CADPS: variants seen among roughly 807,000 people sequenced by gnomAD.
The protein encoded by CADPS is calcium dependent secretion activator.
A neutral mutation model predicts 167.3 loss-of-function variants in CADPS; 57 were observed. That is an observed-to-expected ratio of 0.34 (90% CI 0.28 to 0.42). CADPS has a LOEUF of 0.42. Ranked by LOEUF, CADPS falls within the 20% of genes least tolerant of loss-of-function variation. CADPS has a pLI of 1.00. For synonymous variants in CADPS, 676 were observed against 635.3 expected, an observed-to-expected ratio of 1.06 and a Z score of -0.96; for missense variants, 1,414 against 1,738.1, an observed-to-expected ratio of 0.81 and a Z score of 3.32.
At chr3:62,711,518 T>A (rs2083389011) in intron 3 of CADPS, among the ~76,000 whole-genome samples, 1 of 152,224 alleles carries the variant, frequency 6.6e-6, no homozygotes, top group African/African-American at 2.4e-5. Context: ...TTGTGTAAGA[T>A]AGTTTCAAGT....
At chr3:62,735,187 A>T (rs1045481721) in intron 3 of CADPS, among the ~76,000 whole-genome samples, 2 of 152,184 alleles carry the variant, frequency 1.3e-5, no homozygotes, top group African/African-American at 4.8e-5. Context: ...ACATGCATAA[A>T]TATAAATCAA....
At chr3:62,856,552 G>C (rs1289013318) in intron 1 of CADPS, among the ~76,000 whole-genome samples, 1 of 151,894 alleles carries the variant, frequency 6.6e-6, no homozygotes, top group African/African-American at 2.4e-5. Context: ...ATTCTGAAAA[G>C]TATAATAAAA....
intron 17 of CADPS, among the ~76,000 whole-genome samples, chr3:62,511,285 A>G (rs1424016843): frequency 6.6e-6 from 1 of 152,110 alleles, no homozygotes; most frequent in East Asian, 1.9e-4. Flanking sequence ...GCACCCATCC[A>G]CTACTATCAT....
At chr3:62,570,776 C>A (rs1178884447) in intron 9 of CADPS, 96 bp downstream of exon 9, 1 of 825,064 alleles carries the variant, frequency 1.2e-6, no homozygotes, top group East Asian at 2.4e-5. Context: ...AATGCATGAG[C>A]TCTGTGTATT....
rs2049156517 is a variant in CADPS, at chr3:62,412,486, G to A, written c.3778-9301C>T. Among the ~76,000 whole-genome samples, 1 of 152,082 alleles carries A rather than the reference G, an allele frequency of 6.6e-6. No homozygotes were observed. Among genetic ancestry groups the A allele is most frequent in the East Asian group, 1.9e-4 (1 of 5,200 alleles). ...AAAATATTTGCTGCTTCTGTGGGAA[G>A]GTATAAGGGATTTAACATTTGGGAG... On this transcript the variant is annotated intron_variant, in intron 28 of 29. Coordinates refer to ENST00000383710, the MANE Select transcript of CADPS (RefSeq NM_003716.4). This position sits in a 1 kb window ranked among gnomAD's most constrained non-coding sequence, Gnocchi z 4.1.
intron 3 of CADPS, among the ~76,000 whole-genome samples, chr3:62,691,130 G>C (rs942746941): frequency 6.6e-6 from 1 of 151,972 alleles, no homozygotes; most frequent in Admixed American, 6.6e-5. Context: ...GTGCACCTAT[G>C]GAGACTGAAA....
At chr3:62,763,154 C>A (rs989806373) in intron 2 of CADPS, among the ~76,000 whole-genome samples, 1 of 152,146 alleles carries the variant, frequency 6.6e-6, no homozygotes, top group Non-Finnish European at 1.5e-5. Context: ...TAAGCCTTAA[C>A]CCCCCAGTCT....
At chr3:62,449,798 A>AGTGTGTGTGTGT (rs71786216) in intron 26 of CADPS, among the ~76,000 whole-genome samples, 19 of 150,418 alleles carry the variant, frequency 1.3e-4, no homozygotes, top group African/African-American at 4.7e-4. Flanking sequence ...TTGTTAAAAG[A>AGTGTGTGTGTGT]GTGTGTGTGT....
In CADPS at chr3:62,753,925, A is replaced by C. The variant is rs2083279874; in HGVS notation, c.556-152T>G. On this transcript the variant is annotated intron_variant, in intron 2 of 29. Coordinates refer to ENST00000383710, the MANE Select transcript of CADPS (RefSeq NM_003716.4). The surrounding 1 kb of genome is among the most constrained non-coding windows in gnomAD (Gnocchi z 4.6). ...CTGCCCCACCACCTCCTGGCTGTGC[A>C]AACTCAGAGTAGTCTCTTACACATT... 21 of 660,464 alleles carry C rather than the reference A, an allele frequency of 3.2e-5. No individual in the cohort carries two copies. In the South Asian group the frequency reaches 3.7e-4, roughly 12 times the overall value. The allele number at this position is 660,464 out of a possible 1,614,324, so 40.9% of individuals were successfully genotyped here.
chr3:62,600,186 G>C (rs1329255586), intron 6 of CADPS, among the ~76,000 whole-genome samples: 4 of 144,802 alleles, frequency 2.8e-5, no homozygotes, highest in African/African-American at 1.0e-4. Flanking sequence ...CAAACTCTCT[G>C]AAGTGCACAC....
intron 8 of CADPS, among the ~76,000 whole-genome samples, chr3:62,580,907 T>C (rs1180983931): frequency 6.6e-6 from 1 of 152,228 alleles, no homozygotes; most frequent in African/African-American, 2.4e-5. Flanking sequence ...TGCAGATATT[T>C]GGACTACAAC....
chr3:62,684,977 G>C (rs1482332623), intron 3 of CADPS, among the ~76,000 whole-genome samples: 2 of 152,006 alleles, frequency 1.3e-5, no homozygotes, highest in Non-Finnish European at 2.9e-5. Context: ...AGATTATGCA[G>C]CTCATTTTGA....
In CADPS at chr3:62,413,274, A is replaced by T. The variant is rs1310246087; in HGVS notation, c.3778-10089T>A. ...TTACTCAAAAGTGGAACTTTTGAGT[A>T]TAGATGCAAAAACATTGAAAGTAGG... On this transcript the variant is annotated intron_variant, in intron 28 of 29. Coordinates refer to ENST00000383710, the MANE Select transcript of CADPS (RefSeq NM_003716.4). 4.6e-5 allele frequency among the ~76,000 whole-genome samples: 7 copies of T among 152,180 alleles called. No homozygotes were observed. The East Asian group carries it at 1.3e-3, about 29-fold the overall frequency.
rs1464708635 is a variant in CADPS, at chr3:62,720,811, AGTTT to A, written c.888+32626_888+32629del. Among the ~76,000 whole-genome samples the A allele has an allele frequency of 5.8e-4, 83 of 143,226 alleles. No individual in the cohort carries two copies. The East Asian group carries it at 0.013, about 22-fold the overall frequency. The allele number at this position is 143,226 out of a possible 152,430, so 94.0% of individuals were successfully genotyped here. On this transcript the variant is annotated intron_variant, in intron 3 of 29. Transcript: ENST00000383710. The stretch of plus-strand genomic sequence containing the variant: ...TTTCCATATTGTCCATTATATTGTT[AGTTT>A]TTTTTTTTTTTTTTCTTTTTGAGGC...
At chr3:62,844,535 T>C (rs1182621294) in intron 1 of CADPS, among the ~76,000 whole-genome samples, 2 of 152,194 alleles carry the variant, frequency 1.3e-5, no homozygotes, top group Non-Finnish European at 2.9e-5. Flanking sequence ...CATGAATGCC[T>C]GTGAAAGCCA....
At chr3:62,771,545 C>T (rs2088759023) in intron 1 of CADPS, among the ~76,000 whole-genome samples, 1 of 152,112 alleles carries the variant, frequency 6.6e-6, no homozygotes, top group African/African-American at 2.4e-5. Context: ...GAGTAGCTGA[C>T]AGTACAACTC....
intron 3 of CADPS, among the ~76,000 whole-genome samples, chr3:62,743,178 C>G (rs78652163): frequency 0.094 from 14,365 of 152,132 alleles, 699 homozygotes; most frequent in South Asian, 0.14. Flanking sequence ...GAAAAGGTAA[C>G]ATCTTACATC....
chr3:62,564,151 G>A (rs927409217), intron 9 of CADPS, among the ~76,000 whole-genome samples: 5 of 151,972 alleles, frequency 3.3e-5, no homozygotes, highest in African/African-American at 4.8e-5. Flanking sequence ...ACAGGTGCCC[G>A]CCACCACGCT....
intron 2 of CADPS, among the ~76,000 whole-genome samples, chr3:62,755,391 G>A (rs560058761): frequency 9.9e-5 from 15 of 152,196 alleles, no homozygotes; most frequent in Non-Finnish European, 2.1e-4. Context: ...CAGTGAAGCC[G>A]CCGCTTCATA....
Sources: gnomAD v4.1 joint callset for allele counts (sites outside exome capture counted in the v4.1 genomes callset) on GRCh38, gnomAD v4.1.1 for gene constraint, Gnocchi (gnomAD v3.1) non-coding constraint, MANE v1.5 for transcripts, NCBI Gene and HGNC (gene_info 2026-07-23, HGNC 2026-07-21) for gene names.